Variants in U2AF2 observed in about 807,000 individuals in gnomAD.
The protein encoded by U2AF2 is U2 small nuclear RNA auxiliary factor 2.
U2AF2 carries 6 observed loss-of-function variants against 52.6 expected under a neutral mutation model. The observed-to-expected ratio is 0.11, with a 90% CI of 0.06 to 0.23. The LOEUF is 0.23. U2AF2 is among the 10% of genes least tolerant of loss of function. U2AF2 has a pLI of 1.00. For missense variants in U2AF2, 222 were observed against 677.1 expected (o/e 0.33, Z 7.46); for synonymous variants, 284 against 258.2 (o/e 1.10, Z -0.96).
chr19:55,660,859 C>T (rs974539539), intron 4 of U2AF2, among the ~76,000 whole-genome samples, 179 bp from the exon 5 acceptor site: 3 of 152,076 alleles, frequency 2.0e-5, no homozygotes, highest in Non-Finnish European at 4.4e-5. Flanking sequence ...AGTGAGGCTT[C>T]TGAGGAGCAG....
rs1422627248 is a variant in U2AF2, at chr19:55,660,171, C to T, written c.186-6C>T. ...CCTCCCCATACCTTTCCCTCCCACC[C>T]CCCAGCAAACCTTTGACCAGAGGCG... On this transcript the variant is annotated splice_region_variant and splice_polypyrimidine_tract_variant and intron_variant, in intron 2 of 11. Coordinates refer to ENST00000308924, the MANE Select transcript of U2AF2 (RefSeq NM_007279.3). 1 of 1,608,152 alleles carries T rather than the reference C, an allele frequency of 6.2e-7. No individual in the cohort carries two copies. The highest frequency in any genetic ancestry group is 8.5e-7 in the Non-Finnish European group (1 of 1,176,900).
chr19:55,669,357 G>T, intron 10 of U2AF2, 87 bp from the exon 11 acceptor site: 2 of 1,541,502 alleles, frequency 1.3e-6, no homozygotes, highest in Non-Finnish European at 1.7e-6. Context: ...CCTTTCCCCT[G>T]GGGGGGCATG....
intron 10 of U2AF2, 85 bp from the exon 11 acceptor site, chr19:55,669,359 G>A (rs556220780): frequency 1.5e-4 from 232 of 1,543,948 alleles, no homozygotes; most frequent in Middle Eastern, 3.5e-4. Context: ...TTTCCCCTGG[G>A]GGGGCATGTG....
In U2AF2 at chr19:55,661,024, T is replaced by G. The variant is rs1034330927; in HGVS notation, c.335-14T>G. The G allele has an allele frequency of 6.4e-7, 1 of 1,569,492 alleles. No individual in the cohort carries two copies. The highest frequency in any genetic ancestry group is 1.1e-5 in the South Asian group (1 of 88,430). Reference sequence around the variant, plus strand: ...CCCTGATGGGGTTTTATCCGGCTTTTATTCCCTTTGAAGCTGCGGGTCAGA... The same window carrying G: ...CCCTGATGGGGTTTTATCCGGCTTTGATTCCCTTTGAAGCTGCGGGTCAGA... On this transcript the variant is annotated splice_polypyrimidine_tract_variant and intron_variant, in intron 4 of 11. Transcript: ENST00000308924.
intron 4 of U2AF2, 81 bp downstream of exon 4, chr19:55,660,700 G>C: frequency 7.4e-7 from 1 of 1,349,786 alleles, no homozygotes; most frequent in Non-Finnish European, 1.0e-6. Flanking sequence ...CTGCGTGTGT[G>C]CTTGGAGGGG....
rs558799219 is a variant in U2AF2 at position 55,655,272 on chromosome 19, C to T, written c.49+119C>T. On this transcript the variant is annotated intron_variant, in intron 1 of 11. Transcript: ENST00000308924. ...CACGGCCGCGCGGCGCCCCCCAACCCTGGTTCCGTGGCGCGCGCCTCGTTC... is the reference window on the plus strand; with the variant it reads ...CACGGCCGCGCGGCGCCCCCCAACCTTGGTTCCGTGGCGCGCGCCTCGTTC... 6.2e-4 allele frequency: 704 copies of T among 1,130,754 alleles called. 4 individuals are homozygous for T. In the African/African-American group the frequency reaches 8.6e-3, roughly 14 times the overall value. The allele number at this position is 1,130,754 out of a possible 1,614,324, so 70.0% of individuals were successfully genotyped here. A position where few individuals can be genotyped will look rare whatever the true frequency, so the allele number is the denominator to read the frequency against.
intron 1 of U2AF2, among the ~76,000 whole-genome samples, chr19:55,657,811 G>C (rs3786651): frequency 2.0e-5 from 3 of 152,118 alleles, no homozygotes; most frequent in Non-Finnish European, 4.4e-5. Context: ...TTAAATTCTG[G>C]TGTCACCATT....
At chr19:55,671,519 T>C (rs1984919747) in intron 11 of U2AF2, 1 of 152,266 alleles carries the variant, frequency 6.6e-6, no homozygotes, top group South Asian at 2.1e-4. Context: ...CAGGTGTCTG[T>C]CGAGGCCCTG....
At chr19:55,658,486 C>G (rs142109164) in intron 1 of U2AF2, among the ~76,000 whole-genome samples, 2 of 152,136 alleles carry the variant, frequency 1.3e-5, no homozygotes, top group East Asian at 1.9e-4. Context: ...CCCCTACTCA[C>G]GCCTTTACAG....
intron 9 of U2AF2, 24 bp from the exon 10 acceptor site, chr19:55,669,059 C>T (rs371592541): frequency 3.5e-5 from 56 of 1,608,482 alleles, no homozygotes; most frequent in African/African-American, 8.0e-5. Flanking sequence ...CCGCACCCCC[C>T]GACCCCTCAT....
chr19:55,669,367 G>T, intron 10 of U2AF2, 77 bp from the exon 11 acceptor site: 1 of 1,544,246 alleles, frequency 6.5e-7, no homozygotes, highest in Admixed American at 1.9e-5. Flanking sequence ...GGGGGGGCAT[G>T]TGAGGGGCCT....
At position 55,668,800 on chromosome 19, in the gene U2AF2, C is replaced by A; in HGVS notation, c.945+8C>A. 1 of 1,607,828 alleles carries A rather than the reference C, an allele frequency of 6.2e-7. No homozygotes were observed. The highest frequency in any genetic ancestry group is 1.1e-5 in the South Asian group (1 of 90,894). On this transcript the variant is annotated splice_region_variant and intron_variant, in intron 9 of 11. Coordinates refer to ENST00000308924, the MANE Select transcript of U2AF2 (RefSeq NM_007279.3). The surrounding 1 kb of genome is among the most constrained non-coding windows in gnomAD (Gnocchi z 5.5). ...ATCAACGTCACGGATCAGGTGAGTCCCCGGTCGCTGGCCGCTGCCGCGTCT... is the reference window on the plus strand; with the variant it reads ...ATCAACGTCACGGATCAGGTGAGTCACCGGTCGCTGGCCGCTGCCGCGTCT...
At chr19:55,665,286 CAG>C (rs1384668136) in intron 7 of U2AF2, among the ~76,000 whole-genome samples, 23 of 151,756 alleles carry the variant, frequency 1.5e-4, no homozygotes, top group Non-Finnish European at 2.8e-4. Context: ...TTCTACGACA[CAG>C]GGATTGGCGC....
chr19:55,662,886 C>G lies in U2AF2; in HGVS notation c.603+268C>G, dbSNP rs564785019. On this transcript the variant is annotated intron_variant, in intron 6 of 11. Transcript: ENST00000308924. ...TTCCAGACCATTCCGGCCCAGTCCT[C>G]TCTGCACTCTGGCCACACTGACCTT... Among the ~76,000 whole-genome samples, 7 of 152,252 alleles carry G rather than the reference C, an allele frequency of 4.6e-5. No homozygotes were observed. The South Asian group carries it at 1.0e-3, about 23-fold the overall frequency.
At chr19:55,672,759 C>T (rs1350559306) in intron 11 of U2AF2, among the ~76,000 whole-genome samples, 3 of 145,534 alleles carry the variant, frequency 2.1e-5, no homozygotes, top group Admixed American at 1.4e-4. Context: ...GACAGAGTCT[C>T]GCTGTTGCCC....
In U2AF2 at chr19:55,669,549, G is replaced by T. The variant is rs770986036; in HGVS notation, c.1150G>T (p.Val384Leu). ...PTEVLCLMNMVLPEELLDDEE... is the reference protein window; with the variant it reads ...PTEVLCLMNMLLPEELLDDEE... ...TGAGGTCCTGTGCCTCATGAACATGGTGCTGCCTGAGGAGCTGCTGGACGA... is the reference window on the plus strand; with the variant it reads ...TGAGGTCCTGTGCCTCATGAACATGTTGCTGCCTGAGGAGCTGCTGGACGA... The change falls in exon 11 of 12, where the codon GTG (valine) becomes TTG (leucine). Residue 384 changes from valine (V) to leucine (L), a missense_variant. Val to Leu is a conservative substitution (Grantham distance 32, BLOSUM62 1). This residue lies in a region of U2AF2 where 71 missense variants were observed against 180.6 expected (regional missense o/e 0.39). Transcript: ENST00000308924. 6.2e-7 allele frequency: 1 copy of T among 1,613,934 alleles called. No homozygotes were observed.
intron 1 of U2AF2, among the ~76,000 whole-genome samples, chr19:55,655,617 A>C (rs1983739059): frequency 6.6e-6 from 1 of 152,210 alleles, no homozygotes; most frequent in South Asian, 2.1e-4. Flanking sequence ...GGTTGTGAGA[A>C]CTTGGTGGGG....
At chr19:55,671,827 T>G (rs1054921853) in intron 11 of U2AF2, 1 of 152,188 alleles carries the variant, frequency 6.6e-6, no homozygotes, top group African/African-American at 2.4e-5. Flanking sequence ...TTTTGCATAT[T>G]AAATTTATTG....
intron 11 of U2AF2, among the ~76,000 whole-genome samples, chr19:55,670,291 C>T (rs988502239): frequency 1.3e-4 from 20 of 152,092 alleles, no homozygotes; most frequent in African/African-American, 3.9e-4. Flanking sequence ...ATCACCTCAC[C>T]TCTCTGCCTC....
Sources: allele counts gnomAD v4.1 joint callset (sites outside exome capture counted in the v4.1 genomes callset), GRCh38; gene constraint gnomAD v4.1.1; regional missense constraint gnomAD v4.1.1; non-coding constraint Gnocchi (gnomAD v3.1); transcripts MANE v1.5; gene names NCBI Gene and HGNC (gene_info 2026-07-23, HGNC 2026-07-21).